Variants in JARID2 observed in about 807,000 individuals in gnomAD.
The protein encoded by JARID2 is protein Jumonji.
A neutral mutation model predicts 125.6 loss-of-function variants in JARID2; 21 were observed. That is an observed-to-expected ratio of 0.17 (90% CI 0.12 to 0.24). The LOEUF (loss-of-function observed/expected upper bound fraction) is 0.24. Ranked by LOEUF, JARID2 falls within the 10% of genes least tolerant of loss-of-function variation. The pLI is 1.00. For synonymous variants in JARID2, 736 were observed against 661.6 expected (o/e 1.11, Z -1.73); for missense variants, 1,303 against 1,639.6 (o/e 0.79, Z 3.55).
intron 14 of JARID2, 73 bp downstream of exon 14, chr6:15,512,463 A>G (rs564798511): frequency 7.3e-7 from 1 of 1,375,906 alleles, no homozygotes; most frequent in African/African-American, 1.4e-5. Context: ...CGCACACAGA[A>G]GCATCCCTGC....
intron 1 of JARID2, among the ~76,000 whole-genome samples, chr6:15,312,517 G>T (rs1025988134): frequency 3.3e-5 from 5 of 152,192 alleles, no homozygotes; most frequent in African/African-American, 1.2e-4. Flanking sequence ...TTGTGCTCCT[G>T]TCCTGTGCCC....
intron 9 of JARID2, among the ~76,000 whole-genome samples, chr6:15,505,969 C>T (rs1032584197): frequency 2.0e-5 from 3 of 152,264 alleles, no homozygotes; most frequent in African/African-American, 7.2e-5. Flanking sequence ...GGCATCTCCC[C>T]AGAGGTGCAG....
chr6:15,319,055 T>C (rs1296202116), intron 1 of JARID2, among the ~76,000 whole-genome samples: 1 of 152,212 alleles, frequency 6.6e-6, no homozygotes, highest in Admixed American at 6.5e-5. Context: ...AAAATAAAAT[T>C]GGGCCTTTTG....
chr6:15,282,882 T>A (rs779844783), intron 1 of JARID2, among the ~76,000 whole-genome samples: 1 of 152,158 alleles, frequency 6.6e-6, no homozygotes, highest in African/African-American at 2.4e-5. Context: ...ATTACAGGCG[T>A]GAGCCACCCC....
At chr6:15,475,250 A>G (rs765968814) in intron 5 of JARID2, among the ~76,000 whole-genome samples, 13 of 152,234 alleles carry the variant, frequency 8.5e-5, no homozygotes, top group Admixed American at 3.3e-4. Flanking sequence ...AGATCTTCCT[A>G]TAGAGGGTTC....
intron 1 of JARID2, among the ~76,000 whole-genome samples, chr6:15,326,618 C>T (rs1250224137): frequency 2.0e-5 from 3 of 152,220 alleles, no homozygotes; most frequent in African/African-American, 7.2e-5. Flanking sequence ...TCTCATGCCT[C>T]AGCCTCCCAG....
chr6:15,501,208 C>T lies in JARID2; in HGVS notation c.2247C>T (p.His749=). 6.2e-7 allele frequency: 1 copy of T among 1,614,028 alleles called. No individual in the cohort carries two copies. Reference sequence around the variant, plus strand: ...CAGAGAACGACCACCACAAGTTCCACCCTCTGCCCCGCTTCGAGCCCAAGA... The same window carrying T: ...CAGAGAACGACCACCACAAGTTCCATCCTCTGCCCCGCTTCGAGCCCAAGA... The part of the protein sequence containing the change: ...GHTENDHHKF[H]PLPRFEPKNG... Residue 749 remains histidine, a synonymous_variant, in exon 8 of 18, where the codon CAC becomes CAT. Transcript: ENST00000341776.
chr6:15,305,364 T>G (rs1761782927), intron 1 of JARID2, among the ~76,000 whole-genome samples: 1 of 152,200 alleles, frequency 6.6e-6, no homozygotes, highest in Non-Finnish European at 1.5e-5. Context: ...GTGCTGGCTC[T>G]GGCTAATTCT....
At chr6:15,510,486 C>T (rs948658662) in intron 12 of JARID2, among the ~76,000 whole-genome samples, 1 of 152,188 alleles carries the variant, frequency 6.6e-6, no homozygotes, top group South Asian at 2.1e-4. Flanking sequence ...GTGTAGGTTA[C>T]TTTCTACCTG....
intron 3 of JARID2, among the ~76,000 whole-genome samples, chr6:15,432,423 C>T (rs1158429351): frequency 1.3e-5 from 2 of 149,970 alleles, no homozygotes; most frequent in East Asian, 2.0e-4. Flanking sequence ...GGGACTCTGT[C>T]ATCCTCCAGC....
chr6:15,335,360 A>C (rs922877482), intron 1 of JARID2, among the ~76,000 whole-genome samples: 1 of 152,038 alleles, frequency 6.6e-6, no homozygotes, highest in African/African-American at 2.4e-5. Context: ...TCGGCCACCC[A>C]AAGGGCTGGG....
intron 2 of JARID2, among the ~76,000 whole-genome samples, chr6:15,374,985 T>G (rs1003517577): frequency 6.6e-6 from 1 of 152,234 alleles, no homozygotes; most frequent in Non-Finnish European, 1.5e-5. Context: ...TTTTTGTTTA[T>G]GCTTCCTTGG....
At chr6:15,494,784 G>A (rs541424059) in intron 6 of JARID2, among the ~76,000 whole-genome samples, 3 of 152,210 alleles carry the variant, frequency 2.0e-5, no homozygotes, top group East Asian at 1.9e-4. Flanking sequence ...CTCATTACCC[G>A]CCATCTGGGG....
Position 15,283,274 on chromosome 6 carries a change from G to A in JARID2, c.45+36690G>A, listed in dbSNP as rs140929357. Among the ~76,000 whole-genome samples the A allele has an allele frequency of 1.1e-3, 171 of 149,912 alleles. 3 individuals carry two copies. The highest frequency in any genetic ancestry group is 4.0e-3 in the African/African-American group (160 of 40,418). ...ATTACAGGTGTGAGCCACTGCGCCCGGCCGTTCTGGTATTTATTGAATATG... is the reference window on the plus strand; with the variant it reads ...ATTACAGGTGTGAGCCACTGCGCCCAGCCGTTCTGGTATTTATTGAATATG... On this transcript the variant is annotated intron_variant, in intron 1 of 17. Transcript: ENST00000341776.
chr6:15,477,884 A>G (rs1466732867), intron 5 of JARID2, among the ~76,000 whole-genome samples: 1 of 152,172 alleles, frequency 6.6e-6, no homozygotes, highest in Admixed American at 6.5e-5. Flanking sequence ...ATGTATCTCA[A>G]ATGCCTGGGG....
intron 1 of JARID2, among the ~76,000 whole-genome samples, chr6:15,363,845 C>T (rs58813262): frequency 6.6e-6 from 1 of 152,184 alleles, no homozygotes; most frequent in African/African-American, 2.4e-5. Flanking sequence ...GTGCCAATCC[C>T]AGGGTGGTTA....
intron 5 of JARID2, among the ~76,000 whole-genome samples, chr6:15,474,122 A>G (rs571253579): frequency 6.6e-5 from 10 of 152,360 alleles, no homozygotes; most frequent in African/African-American, 2.2e-4. Flanking sequence ...TAAAGGAAAC[A>G]CTTGTGATAT....
At chr6:15,513,199 G>C in intron 15 of JARID2, 40 bp from the exon 16 acceptor site, 2 of 1,555,368 alleles carry the variant, frequency 1.3e-6, no homozygotes, top group South Asian at 2.4e-5. Flanking sequence ...AGCATGGCAG[G>C]CCGTCACTAA....
chr6:15,463,835 C>T (rs752810083), intron 4 of JARID2, among the ~76,000 whole-genome samples: 26 of 152,164 alleles, frequency 1.7e-4, no homozygotes, highest in Non-Finnish European at 2.8e-4. Flanking sequence ...GAGAAATATG[C>T]AATAGTTTTC....
Sources: allele counts gnomAD v4.1 joint callset (sites outside exome capture counted in the v4.1 genomes callset), GRCh38; gene constraint gnomAD v4.1.1; transcripts MANE v1.5; gene names NCBI Gene and HGNC (gene_info 2026-07-23, HGNC 2026-07-21).